SERPINB10: variants seen among roughly 807,000 people sequenced by gnomAD.
SERPINB10 encodes serpin B10.
In SERPINB10, 35 loss-of-function variants were observed where a neutral mutation model predicts 39.1. That is an observed-to-expected ratio of 0.90 (90% CI 0.68 to 1.19). The LOEUF is 1.19. SERPINB10 is among the 50% of genes most tolerant of loss of function. SERPINB10 has a pLI of 0.00. For synonymous variants in SERPINB10, 190 were observed against 158.1 expected (o/e 1.20, Z -1.52); for missense variants, 546 against 460.5 (o/e 1.19, Z -1.70).
At chr18:63,911,209 A>G (rs1455228309) in intron 1 of SERPINB10, among the ~76,000 whole-genome samples, 1 of 152,008 alleles carries the variant, frequency 6.6e-6, no homozygotes, top group African/African-American at 2.4e-5. Flanking sequence ...ATAGTTTGCA[A>G]ATATTTTCTT....
At chr18:63,919,707 T>TA in intron 4 of SERPINB10, 81 bp from the exon 5 acceptor site, 1 of 944,762 alleles carries the variant, frequency 1.1e-6, no homozygotes, top group South Asian at 1.5e-5. Flanking sequence ...GCCTACCTAG[T>TA]TCTTTTGATA....
intron 2 of SERPINB10, 76 bp downstream of exon 2, chr18:63,915,754 CT>C: frequency 1.6e-6 from 2 of 1,232,714 alleles, no homozygotes; most frequent in Non-Finnish European, 1.1e-6. Context: ...TCAGTTTTCT[CT>C]TGACAACTCA....
At chr18:63,929,836 A>T (rs1285561473) in intron 5 of SERPINB10, among the ~76,000 whole-genome samples, 1 of 152,034 alleles carries the variant, frequency 6.6e-6, no homozygotes, top group Non-Finnish European at 1.5e-5. Flanking sequence ...GCTTACTGAC[A>T]GTCCAGCATA....
At chr18:63,916,199 A>G (rs926580589) in intron 2 of SERPINB10, among the ~76,000 whole-genome samples, 4 of 151,900 alleles carry the variant, frequency 2.6e-5, no homozygotes, top group African/African-American at 9.7e-5. Flanking sequence ...ATACAGAACT[A>G]TTTTTGCAAT....
chr18:63,919,749 C>G (rs2050132422), intron 4 of SERPINB10, 39 bp from the exon 5 acceptor site: 1 of 1,392,162 alleles, frequency 7.2e-7, no homozygotes, highest in Non-Finnish European at 1.0e-6. Context: ...CAATTTTGAA[C>G]AAACTCTACA....
chr18:63,922,214 G>C (rs536851334), intron 5 of SERPINB10, among the ~76,000 whole-genome samples: 4 of 152,102 alleles, frequency 2.6e-5, no homozygotes, highest in Non-Finnish European at 4.4e-5. Flanking sequence ...TAAGTGCTCA[G>C]TTCCTTTTAC....
chr18:63,927,568 C>A (rs929845634), intron 5 of SERPINB10, among the ~76,000 whole-genome samples: 1 of 152,054 alleles, frequency 6.6e-6, no homozygotes, highest in Non-Finnish European at 1.5e-5. Flanking sequence ...CTCCCTCAAT[C>A]CCTTTATAAG....
In SERPINB10 at chr18:63,911,864, G is replaced by A. The variant is rs142156773; in HGVS notation, c.-9-3638G>A. On this transcript the variant is annotated intron_variant, in intron 1 of 7. Transcript: ENST00000238508. Reference sequence around the variant, plus strand: ...AGCATTCCATCCGAGGTTTGCCTTCGGCAGTATGGCCATTTTAACAATACT... The same window carrying A: ...AGCATTCCATCCGAGGTTTGCCTTCAGCAGTATGGCCATTTTAACAATACT... Among the ~76,000 whole-genome samples the A allele has an allele frequency of 7.2e-3, 1,101 of 152,122 alleles. 15 individuals carry two copies. Among genetic ancestry groups the A allele is most frequent in the African/African-American group, 0.025 (1,042 of 41,528 alleles).
At position 63,934,883 on chromosome 18, in the gene SERPINB10, G is replaced by A. The variant is rs1490329980; in HGVS notation, c.835G>A (p.Ala279Thr). 1 of 1,613,986 alleles carries A rather than the reference G, an allele frequency of 6.2e-7. No individual in the cohort carries two copies. The highest frequency in any genetic ancestry group is 8.5e-7 in the Non-Finnish European group (1 of 1,179,970). Residue 279 changes from alanine to threonine, a missense_variant, in exon 8 of 8, where the codon GCA becomes ACA. Ala to Thr is a moderately conservative substitution (Grantham distance 58). Transcript: ENST00000238508. ...TGAGAAGCTGAATGAGTGGACCAGT[G>A]CAGACATGATGGAGTTGTATGAAGT... ...TYEKLNEWTS[A>T]DMMELYEVQL...
intron 4 of SERPINB10, among the ~76,000 whole-genome samples, chr18:63,918,771 G>T (rs1184301778): frequency 6.6e-6 from 1 of 151,894 alleles, no homozygotes; most frequent in Non-Finnish European, 1.5e-5. Context: ...TATTACTAAA[G>T]ACATAAAATC....
chr18:63,918,163 G>T (rs577080628), intron 4 of SERPINB10, 61 bp downstream of exon 4: 4 of 1,544,508 alleles, frequency 2.6e-6, no homozygotes, highest in Non-Finnish European at 2.7e-6. Context: ...AGACCAATCA[G>T]TAAACTCTGT....
At chr18:63,923,419 A>G (rs983980140) in intron 5 of SERPINB10, among the ~76,000 whole-genome samples, 6 of 151,882 alleles carry the variant, frequency 4.0e-5, no homozygotes, top group African/African-American at 1.4e-4. Flanking sequence ...AACCATCTCA[A>G]AGATACTTCT....
chr18:63,931,440 A>T (rs977055856), intron 6 of SERPINB10, among the ~76,000 whole-genome samples: 1 of 152,210 alleles, frequency 6.6e-6, no homozygotes, highest in Non-Finnish European at 1.5e-5. Context: ...GAGTACTCGC[A>T]GTAAACAGCC....
intron 5 of SERPINB10, among the ~76,000 whole-genome samples, chr18:63,928,419 G>T (rs1237870358): frequency 6.6e-6 from 1 of 152,102 alleles, no homozygotes; most frequent in Non-Finnish European, 1.5e-5. Flanking sequence ...TGTATTCGGG[G>T]TTGATAGCCA....
intron 1 of SERPINB10, among the ~76,000 whole-genome samples, chr18:63,913,905 T>C (rs941379537): frequency 6.6e-6 from 1 of 152,104 alleles, no homozygotes; most frequent in Non-Finnish European, 1.5e-5. Context: ...TTTTGTAGGT[T>C]GAAGAGTACT....
At chr18:63,912,593 T>C (rs1277212477) in intron 1 of SERPINB10, among the ~76,000 whole-genome samples, 3 of 152,046 alleles carry the variant, frequency 2.0e-5, no homozygotes, top group Non-Finnish European at 2.9e-5. Context: ...CTGACTTCTG[T>C]ATGTTGAACC....
At chr18:63,918,905 G>C (rs767569255) in intron 4 of SERPINB10, among the ~76,000 whole-genome samples, 4 of 151,954 alleles carry the variant, frequency 2.6e-5, no homozygotes, top group Admixed American at 6.6e-5. Flanking sequence ...CAGAGATAGA[G>C]ACAAACATAT....
chr18:63,917,913 G>A (rs2050115722), intron 3 of SERPINB10, 52 bp from the exon 4 acceptor site: 1 of 1,540,792 alleles, frequency 6.5e-7, no homozygotes, highest in Admixed American at 1.7e-5. Context: ...TTGCTAACAT[G>A]TACGTAACTC....
chr18:63,935,410 C>CTGGAGATA lies in SERPINB10; in HGVS notation c.*170_*171insGAGATATG. ...ATGCATTCTAATGATCCTGTCATATCTGTACAGCTGGAGAGAATGACGATT... is the reference window on the plus strand; with the variant it reads ...ATGCATTCTAATGATCCTGTCATATCTGGAGATATGTACAGCTGGAGAGAATGACGATT... On this transcript the variant is annotated 3_prime_UTR_variant, in exon 8 of 8. Transcript: ENST00000238508. The CTGGAGATA allele has an allele frequency of 1.6e-6, 1 of 636,360 alleles. No individual in the cohort carries two copies. The allele number at this position is 636,360 out of a possible 1,614,324, so 39.4% of individuals were successfully genotyped here. A position where few individuals can be genotyped will look rare whatever the true frequency, so the allele number is the denominator to read the frequency against.
Sources: gnomAD v4.1 joint callset for allele counts (sites outside exome capture counted in the v4.1 genomes callset) on GRCh38, gnomAD v4.1.1 for gene constraint, MANE v1.5 for transcripts, NCBI Gene and HGNC (gene_info 2026-07-23, HGNC 2026-07-21) for gene names.